The following FAM149A variants were observed in gnomAD, a reference collection of about 807,000 sequenced individuals.
FAM149A encodes the protein family with sequence similarity 149 member A.
Under a neutral mutation model 78.2 loss-of-function variants are expected in FAM149A, and 71 were observed. That is an observed-to-expected ratio of 0.91 (90% CI 0.75 to 1.11). The LOEUF (loss-of-function observed/expected upper bound fraction) is 1.11, where lower values mean the gene tolerates loss of function less well. Ranked by LOEUF, FAM149A falls within the 50% of genes least tolerant of loss-of-function variation. The pLI is 0.00. For synonymous variants in FAM149A, 446 were observed against 410.5 expected (o/e 1.09, Z -1.04); for missense variants, 1,036 against 971.0 (o/e 1.07, Z -0.89).
At chr4:186,147,218 A>G (rs1197183491) in intron 1 of FAM149A, among the ~76,000 whole-genome samples, 2 of 152,180 alleles carry the variant, frequency 1.3e-5, no homozygotes, top group African/African-American at 4.8e-5. Context: ...CCCCATCTCT[A>G]CAAAACATTA....
chr4:186,108,478 C>T (rs1281862021), intron 1 of FAM149A, among the ~76,000 whole-genome samples: 1 of 151,948 alleles, frequency 6.6e-6, no homozygotes, highest in Non-Finnish European at 1.5e-5. Context: ...TGCAAACTCT[C>T]CTGCAATTTA....
intron 7 of FAM149A, among the ~76,000 whole-genome samples, chr4:186,157,305 T>A (rs1471908677): frequency 6.6e-6 from 1 of 152,174 alleles, no homozygotes; most frequent in Admixed American, 6.5e-5. Context: ...TTTCCAGTAT[T>A]TAAGGAATTA....
At chr4:186,147,938 A>G (rs1403048687) in intron 1 of FAM149A, among the ~76,000 whole-genome samples, 1 of 152,216 alleles carries the variant, frequency 6.6e-6, no homozygotes, top group African/African-American at 2.4e-5. Context: ...AATAAAAACA[A>G]TCATATAATT....
At position 186,173,361 on chromosome 4, in the gene FAM149A, C is replaced by A. The variant is rs1456013905; in HGVS notation, c.*1374C>A. On this transcript the variant is annotated 3_prime_UTR_variant, in exon 14 of 14. Transcript: ENST00000389354. The stretch of plus-strand genomic sequence containing the variant: ...GCTGACTCCATTTCTTTTTTCTTTT[C>A]TTTTTTTTTGAAACGGAGTCTGGCT... Among the ~76,000 whole-genome samples, 2 of 108,088 alleles carry A rather than the reference C, an allele frequency of 1.9e-5. 1 individual carries two copies. Among genetic ancestry groups the A allele is most frequent in the Admixed American group, 1.8e-4 (2 of 11,012 alleles). The allele number at this position is 108,088 out of a possible 152,430, so 70.9% of individuals were successfully genotyped here. A position where few individuals can be genotyped will look rare whatever the true frequency, so the allele number is the denominator to read the frequency against.
chr4:186,117,880 C>T (rs1309931321), intron 1 of FAM149A: 8 of 978,038 alleles, frequency 8.2e-6, no homozygotes, highest in South Asian at 9.5e-5. Context: ...CTCCCAAGAC[C>T]GGCAACACAT....
chr4:186,172,092 T>A lies in FAM149A; in HGVS notation c.*105T>A. 1 of 1,489,278 alleles carries A rather than the reference T, an allele frequency of 6.7e-7. No individual in the cohort carries two copies. The highest frequency in any genetic ancestry group is 9.0e-7 in the Non-Finnish European group (1 of 1,111,024). 92.3% of individuals were successfully genotyped at this position (1,489,278 alleles called of 1,614,324 possible). A position where few individuals can be genotyped will look rare whatever the true frequency, so the allele number is the denominator to read the frequency against. On this transcript the variant is annotated 3_prime_UTR_variant, in exon 14 of 14. Transcript: ENST00000389354. The stretch of plus-strand genomic sequence containing the variant: ...ATATTTATCTGTGTGTCTGACAGTG[T>A]GAGATGTTAGACCGAGAGAAAAGCA...
chr4:186,160,860 T>C (rs1306298845), intron 8 of FAM149A: 1 of 985,224 alleles, frequency 1.0e-6, no homozygotes, highest in Non-Finnish European at 1.2e-6. Flanking sequence ...GTATATAGAC[T>C]ACTAGTTCTG....
At chr4:186,156,695 C>G (rs143236131) in intron 7 of FAM149A, among the ~76,000 whole-genome samples, 1 of 151,984 alleles carries the variant, frequency 6.6e-6, no homozygotes, top group African/African-American at 2.4e-5. Flanking sequence ...AAAAAGAATG[C>G]AGGGCAGGCA....
intron 1 of FAM149A, chr4:186,125,707 A>G: frequency 1.0e-6 from 1 of 984,646 alleles, no homozygotes; most frequent in Non-Finnish European, 1.2e-6. Flanking sequence ...TTGGGGAATT[A>G]ACACTACTAT....
At position 186,149,563 on chromosome 4, in the gene FAM149A, C is replaced by T. The variant is rs989932390; in HGVS notation, c.678-30C>T. The T allele has an allele frequency of 1.6e-6, 2 of 1,289,724 alleles. No homozygotes were observed. The highest frequency in any genetic ancestry group is 3.0e-5 in the African/African-American group (2 of 65,862). 79.9% of individuals were successfully genotyped at this position (1,289,724 alleles called of 1,614,324 possible). On this transcript the variant is annotated intron_variant, in intron 2 of 13. Transcript: ENST00000389354. The stretch of plus-strand genomic sequence containing the variant: ...ATTTCTTTGCTCATGTTCATTCCTG[C>T]AGCAAATCCTTGTCATCCTTTTCCT...
chr4:186,105,628 C>A lies in FAM149A; in HGVS notation c.552C>A (p.Ser184=). The change falls in exon 1 of 14, where the codon TCC becomes TCA. Residue 184 remains serine, a synonymous_variant. Coordinates refer to ENST00000389354, the MANE Select transcript of FAM149A (RefSeq NM_001367768.3). ...AGGAGGGGGCCTCGGACGGCGACTC[C>A]GGGGATGGCGAAGCGTGAGTAGCAG... is the stretch of plus-strand genomic sequence containing the variant. The A allele has an allele frequency of 6.6e-6, 7 of 1,058,776 alleles. No individual in the cohort carries two copies. The highest frequency in any genetic ancestry group is 6.9e-6 in the Non-Finnish European group (6 of 871,316). The allele number at this position is 1,058,776 out of a possible 1,614,324, so 65.6% of individuals were successfully genotyped here.
rs1034923132 is a variant in FAM149A, at chr4:186,125,588, C to G, written c.566+19946C>G. 1.8e-5 allele frequency: 10 copies of G among 559,830 alleles called. No individual in the cohort carries two copies. The African/African-American group carries it at 1.8e-4, about 10-fold the overall frequency. The allele number at this position is 559,830 out of a possible 1,614,324, so 34.7% of individuals were successfully genotyped here. ...TAGGTTTCTCACGAGAATTTGCACA[C>G]GAGGTAAAGGGAGAGTCAACAGCAC... On this transcript the variant is annotated intron_variant, in intron 1 of 13. Coordinates refer to ENST00000389354, the MANE Select transcript of FAM149A (RefSeq NM_001367768.3).
chr4:186,105,109 C>G lies in FAM149A; in HGVS notation c.33C>G (p.Leu11=). 7.8e-7 allele frequency: 1 copy of G among 1,281,724 alleles called. No homozygotes were observed. The highest frequency in any genetic ancestry group is 1.6e-5 in the African/African-American group (1 of 64,076). The allele number at this position is 1,281,724 out of a possible 1,614,324, so 79.4% of individuals were successfully genotyped here. A position where few individuals can be genotyped will look rare whatever the true frequency, so the allele number is the denominator to read the frequency against. Residue 11 remains leucine (L), a synonymous_variant, in exon 1 of 14, where the codon CTC becomes CTG. Transcript: ENST00000389354. ...CTGCTGTGCTGGACCTTGGGTCTCT[C>G]TTGGCCAAACTCTTCGAGACCTCGA... is the stretch of plus-strand genomic sequence containing the variant.
At chr4:186,141,336 A>G (rs146489306) in intron 1 of FAM149A, among the ~76,000 whole-genome samples, 275 of 152,288 alleles carry the variant, frequency 1.8e-3, no homozygotes, top group African/African-American at 6.3e-3. Context: ...CTAATTACCA[A>G]TTTTTATACA....
In FAM149A at chr4:186,165,408, C is replaced by G. The variant is rs61155675; in HGVS notation, c.1954C>G (p.Leu652Val). The G allele has an allele frequency of 3.1e-6, 5 of 1,614,062 alleles. No homozygotes were observed. The highest frequency in any genetic ancestry group is 4.2e-6 in the Non-Finnish European group (5 of 1,179,926). The stretch of plus-strand genomic sequence containing the variant: ...AACGTCACGGAGCAGGTTCCCCCCG[C>G]TAGTCACGGAGACCAGGGGGCAGAA... Residue 652 changes from leucine to valine, a missense_variant, in exon 11 of 14, where the codon CTA becomes GTA. Transcript: ENST00000389354.
At chr4:186,157,763 T>A (rs1481809288) in intron 8 of FAM149A, 44 bp downstream of exon 8, 1 of 1,581,086 alleles carries the variant, frequency 6.3e-7, no homozygotes, top group Non-Finnish European at 8.6e-7. Flanking sequence ...TCACTCTGTG[T>A]GTCTGTCACC....
At chr4:186,109,855 A>T in intron 1 of FAM149A, 1 of 985,404 alleles carries the variant, frequency 1.0e-6, no homozygotes, top group Non-Finnish European at 1.2e-6. Context: ...AGTACATGCC[A>T]ATCTTTCATC....
At position 186,157,595 on chromosome 4, in the gene FAM149A, T is replaced by G. The variant is rs144890576; in HGVS notation, c.1451T>G (p.Val484Gly). The G allele has an allele frequency of 6.2e-7, 1 of 1,614,168 alleles. No homozygotes were observed. Among genetic ancestry groups the G allele is most frequent in the Non-Finnish European group, 8.5e-7 (1 of 1,179,970 alleles). Residue 484 changes from valine to glycine, a missense_variant, in exon 8 of 14, where the codon GTG (valine) becomes GGG (glycine). Coordinates refer to ENST00000389354, the MANE Select transcript of FAM149A (RefSeq NM_001367768.3). ...AAAAAACAGAGAGAAACATTGAAAG[T>G]GGCTGGAAACAGATTTCCGCACGTC...
At chr4:186,118,079 C>G (rs1472605086) in intron 1 of FAM149A, 1 of 985,224 alleles carries the variant, frequency 1.0e-6, no homozygotes, top group Non-Finnish European at 1.2e-6. Context: ...CGGGGCTGGA[C>G]ATTCATGGTG....
Sources: gnomAD v4.1 joint callset for allele counts (sites outside exome capture counted in the v4.1 genomes callset) on GRCh38, gnomAD v4.1.1 for gene constraint, MANE v1.5 for transcripts, NCBI Gene and HGNC (gene_info 2026-07-23, HGNC 2026-07-21) for gene names.